The following UNC5D variants were observed in gnomAD, a reference collection of about 807,000 sequenced individuals.
UNC5D encodes the protein unc-5 netrin receptor D.
In UNC5D, 39 loss-of-function variants were observed where a neutral mutation model predicts 105.4. That is an observed-to-expected ratio of 0.37 (90% CI 0.29 to 0.48). UNC5D has a LOEUF of 0.48. Among genes scored for constraint, UNC5D ranks in the 20% least tolerant of loss-of-function variants. The pLI, the probability that UNC5D is intolerant of heterozygous loss-of-function variation, is 0.98. For synonymous variants in UNC5D, 452 were observed against 450.4 expected (o/e 1.00, Z -0.04); for missense variants, 991 against 1,202.4 (o/e 0.82, Z 2.60).
At chr8:35,423,149 T>C (rs1806024796) in intron 1 of UNC5D, among the ~76,000 whole-genome samples, 1 of 152,240 alleles carries the variant, frequency 6.6e-6, no homozygotes, top group South Asian at 2.1e-4. Context: ...GACATGTGCA[T>C]GGAGAACAGG....
Position 35,644,467 on chromosome 8 carries a change from A to T in UNC5D, c.571-39080A>T, listed in dbSNP as rs577873275. ...CTGTCCTCTATTCCTCCAGTTATTT[A>T]TAAGACCCTGAGAATTAAAGTTCAT... is the stretch of plus-strand genomic sequence containing the variant. On this transcript the variant is annotated intron_variant, in intron 4 of 16. Coordinates refer to ENST00000404895, the MANE Select transcript of UNC5D (RefSeq NM_080872.4). Among the ~76,000 whole-genome samples, 13 of 152,246 alleles carry T rather than the reference A, an allele frequency of 8.5e-5. No homozygotes were observed. In the South Asian group the frequency reaches 2.7e-3, roughly 32 times the overall value.
chr8:35,755,268 C>A (rs149418843), intron 13 of UNC5D, among the ~76,000 whole-genome samples: 1 of 152,056 alleles, frequency 6.6e-6, no homozygotes, highest in Non-Finnish European at 1.5e-5. Flanking sequence ...TAGAAAAAAA[C>A]AACTAGGGTT....
At chr8:35,657,077 T>TAC (rs1823799949) in intron 4 of UNC5D, among the ~76,000 whole-genome samples, 1 of 90,754 alleles carries the variant, frequency 1.1e-5, no homozygotes, top group African/African-American at 5.3e-5. Context: ...TGTGTGTGTG[T>TAC]GTGTATATAT....
chr8:35,555,953 G>T (rs1816521682), intron 2 of UNC5D, among the ~76,000 whole-genome samples: 1 of 148,334 alleles, frequency 6.7e-6, no homozygotes, highest in Non-Finnish European at 1.5e-5. Context: ...TTAGCCTAAT[G>T]GTTAAGAACA....
intron 1 of UNC5D, among the ~76,000 whole-genome samples, chr8:35,418,552 G>A (rs1010064140): frequency 2.0e-5 from 3 of 152,128 alleles, no homozygotes; most frequent in Non-Finnish European, 4.4e-5. Flanking sequence ...TTAGACTTTA[G>A]CATTTTGCTG....
intron 1 of UNC5D, among the ~76,000 whole-genome samples, chr8:35,326,697 C>CA (rs1210780230): frequency 6.6e-6 from 1 of 151,564 alleles, no homozygotes; most frequent in Non-Finnish European, 1.5e-5. Flanking sequence ...TCAGGGGCTG[C>CA]GGTGAGCTGT....
At chr8:35,246,650 T>C (rs1175165736) in intron 1 of UNC5D, among the ~76,000 whole-genome samples, 1 of 152,086 alleles carries the variant, frequency 6.6e-6, no homozygotes, top group Admixed American at 6.6e-5. Context: ...TCTTATCAAA[T>C]TGTTTTCACG....
intron 6 of UNC5D, 115 bp downstream of exon 6, chr8:35,684,864 T>G: frequency 7.6e-7 from 1 of 1,311,648 alleles, no homozygotes; most frequent in Non-Finnish European, 1.0e-6. Context: ...GTTCTTAGAA[T>G]AGAACATTTA....
At chr8:35,236,129 C>T (rs1294806543) in intron 1 of UNC5D, among the ~76,000 whole-genome samples, 2 of 152,164 alleles carry the variant, frequency 1.3e-5, no homozygotes, top group African/African-American at 4.8e-5. Context: ...TTTCCTGGAC[C>T]CTCCTTGCCT....
At chr8:35,491,240 T>C (rs1811198430) in intron 1 of UNC5D, among the ~76,000 whole-genome samples, 1 of 152,150 alleles carries the variant, frequency 6.6e-6, no homozygotes, top group Non-Finnish European at 1.5e-5. Context: ...TTGATGACTT[T>C]GTGAACATGA....
At chr8:35,439,403 G>C (rs1053148401) in intron 1 of UNC5D, among the ~76,000 whole-genome samples, 4 of 152,080 alleles carry the variant, frequency 2.6e-5, no homozygotes, top group Admixed American at 6.6e-5. Flanking sequence ...GCCAGTTGGG[G>C]GCAACAGATA....
Position 35,686,571 on chromosome 8 carries a change from G to A in UNC5D, c.946G>A (p.Glu316Lys), listed in dbSNP as rs200975218. The part of the protein sequence containing the change: ...PVDGSWEVWS[E>K]WSVCSPECEH... The stretch of plus-strand genomic sequence containing the variant: ...GGATGGGAGCTGGGAAGTGTGGAGC[G>A]AATGGTCCGTCTGCAGTCCAGAGTG... The change falls in exon 7 of 17, where the codon GAA becomes AAA. Residue 316 changes from glutamate (E) to lysine (K), a missense_variant. Glu to Lys is a moderately conservative substitution (Grantham distance 56, BLOSUM62 1). Transcript: ENST00000404895. 4.9e-5 allele frequency: 78 copies of A among 1,582,758 alleles called. No individual in the cohort carries two copies. Among genetic ancestry groups the A allele is most frequent in the East Asian group, 4.5e-4 (19 of 42,608 alleles).
chr8:35,659,204 G>A (rs1386416541), intron 4 of UNC5D, among the ~76,000 whole-genome samples: 1 of 152,092 alleles, frequency 6.6e-6, no homozygotes, highest in Non-Finnish European at 1.5e-5. Flanking sequence ...TCAGATTTCT[G>A]TAATGAGATT....
chr8:35,733,734 G>A (rs1470935709), intron 11 of UNC5D, among the ~76,000 whole-genome samples: 1 of 152,178 alleles, frequency 6.6e-6, no homozygotes, highest in Non-Finnish European at 1.5e-5. Context: ...TCAGGGTAGT[G>A]ATGTAATGGA....
At chr8:35,789,137 C>CTATATATATATATATA (rs58201859) in intron 16 of UNC5D, among the ~76,000 whole-genome samples, 2 of 32,432 alleles carry the variant, frequency 6.2e-5, no homozygotes, top group Non-Finnish European at 1.8e-4. Flanking sequence ...GGAGAAAAGA[C>CTATATATATATATATA]TATATATATA....
At chr8:35,290,871 C>T (rs536479757) in intron 1 of UNC5D, among the ~76,000 whole-genome samples, 6 of 150,918 alleles carry the variant, frequency 4.0e-5, no homozygotes, top group African/African-American at 1.5e-4. Flanking sequence ...TCGCTTGAAC[C>T]TGGGAGGTAG....
intron 2 of UNC5D, among the ~76,000 whole-genome samples, chr8:35,564,806 A>T (rs1817216459): frequency 1.3e-5 from 2 of 152,078 alleles, no homozygotes; most frequent in Non-Finnish European, 2.9e-5. Context: ...GCCCCTGCAT[A>T]CCCATGGCTT....
chr8:35,619,880 G>A (rs1271618590), intron 4 of UNC5D, among the ~76,000 whole-genome samples: 4 of 152,128 alleles, frequency 2.6e-5, no homozygotes, highest in Non-Finnish European at 4.4e-5. Flanking sequence ...CCTGTTGCAC[G>A]GAGATTATGA....
intron 4 of UNC5D, among the ~76,000 whole-genome samples, chr8:35,607,790 C>G (rs1006251766): frequency 6.6e-6 from 1 of 152,126 alleles, no homozygotes; most frequent in African/African-American, 2.4e-5. Flanking sequence ...TCTTCCCTCC[C>G]CAGCCATGAG....
Sources: gnomAD v4.1 joint callset for allele counts (sites outside exome capture counted in the v4.1 genomes callset) on GRCh38, gnomAD v4.1.1 for gene constraint, MANE v1.5 for transcripts, NCBI Gene and HGNC (gene_info 2026-07-23, HGNC 2026-07-21) for gene names.